ROBO1: variants seen among roughly 807,000 people sequenced by gnomAD.
ROBO1 encodes roundabout guidance receptor 1, also known as roundabout homolog 1.
In ROBO1, 149 loss-of-function variants were observed where a neutral mutation model predicts 195.9. That is an observed-to-expected ratio of 0.76 (90% confidence interval 0.67 to 0.87). The LOEUF (loss-of-function observed/expected upper bound fraction) is 0.87. Ranked by LOEUF, ROBO1 falls within the 40% of genes least tolerant of loss-of-function variation. The pLI is 0.00. For missense variants in ROBO1, 1,933 were observed against 2,068.3 expected (o/e 0.93, Z 1.27); for synonymous variants, 816 against 733.2 (o/e 1.11, Z -1.82).
intron 3 of ROBO1, among the ~76,000 whole-genome samples, chr3:79,035,430 A>G (rs2078365510): frequency 1.3e-5 from 2 of 152,188 alleles, no homozygotes; most frequent in African/African-American, 4.8e-5. Context: ...CCATGAAAGA[A>G]TAATGAGAAC....
chr3:78,771,453 G>A (rs1430860129), intron 4 of ROBO1, among the ~76,000 whole-genome samples: 7 of 152,178 alleles, frequency 4.6e-5, no homozygotes, highest in African/African-American at 9.6e-5. Context: ...TAGTTTAACA[G>A]CAATAGTGTT....
intron 28 of ROBO1, among the ~76,000 whole-genome samples, chr3:78,609,918 G>A (rs1703708937): frequency 6.6e-6 from 1 of 151,562 alleles, no homozygotes; most frequent in Non-Finnish European, 1.5e-5. Context: ...ATTTTCTTTT[G>A]GCATTATATG....
At chr3:78,762,095 G>GA (rs1174015770) in intron 4 of ROBO1, among the ~76,000 whole-genome samples, 2 of 151,814 alleles carry the variant, frequency 1.3e-5, no homozygotes, top group Admixed American at 6.6e-5. Context: ...CATTTTTCTG[G>GA]AAAAAATGAT....
At chr3:79,366,761 G>T (rs771184486) in intron 2 of ROBO1, among the ~76,000 whole-genome samples, 1 of 152,096 alleles carries the variant, frequency 6.6e-6, no homozygotes, top group Non-Finnish European at 1.5e-5. Context: ...TCCTCTCGAC[G>T]TTCACTTCCC....
At chr3:78,717,512 T>C (rs1370663602) in intron 6 of ROBO1, 99 bp from the exon 7 acceptor site, 5 of 1,149,042 alleles carry the variant, frequency 4.4e-6, no homozygotes, top group East Asian at 2.4e-5. Context: ...ATTTAAAATA[T>C]CAGCGAGGAA....
chr3:78,833,449 T>C (rs932076934), intron 4 of ROBO1, among the ~76,000 whole-genome samples: 1 of 152,132 alleles, frequency 6.6e-6, no homozygotes, highest in Non-Finnish European at 1.5e-5. Flanking sequence ...CAATCTTAAT[T>C]GTATAAAACA....
At position 78,768,325 on chromosome 3, in the gene ROBO1, AT is replaced by A. The variant is rs1009012640; in HGVS notation, c.500-21426del. On this transcript the variant is annotated intron_variant, in intron 4 of 30. Transcript: ENST00000464233. ...CTTGATATAATTTCAATTTTCTTAA[AT>A]TTTTTTTTTTACTTTGAAAAATTTT... 8.5e-4 allele frequency among the ~76,000 whole-genome samples: 126 copies of A among 147,854 alleles called. 1 individual carries two copies. The highest frequency in any genetic ancestry group is 3.0e-3 in the Admixed American group (44 of 14,770).
intron 17 of ROBO1, among the ~76,000 whole-genome samples, chr3:78,658,934 C>T (rs2107655595): frequency 6.6e-6 from 1 of 152,190 alleles, no homozygotes; most frequent in South Asian, 2.1e-4. Context: ...TTTAAATTGA[C>T]CATGAAGTTA....
intron 4 of ROBO1, among the ~76,000 whole-genome samples, chr3:78,899,351 A>T (rs1273679679): frequency 6.6e-6 from 1 of 152,242 alleles, no homozygotes; most frequent in African/African-American, 2.4e-5. Flanking sequence ...TAATCTGATT[A>T]GGCAATTAAT....
intron 1 of ROBO1, among the ~76,000 whole-genome samples, chr3:79,672,729 C>G (rs1321034391): frequency 6.6e-6 from 1 of 151,888 alleles, no homozygotes. Flanking sequence ...CCCCACAAGA[C>G]AACACTGCTT....
chr3:79,296,982 A>C (rs747415356), intron 2 of ROBO1, among the ~76,000 whole-genome samples: 3 of 152,214 alleles, frequency 2.0e-5, no homozygotes, highest in Admixed American at 6.5e-5. Context: ...GTTGTGTTAC[A>C]ATTTTTGAAA....
chr3:79,592,688 A>G (rs1944041287), intron 1 of ROBO1, among the ~76,000 whole-genome samples: 1 of 151,898 alleles, frequency 6.6e-6, no homozygotes. Context: ...CCCATTGGCA[A>G]CCCCCACCAG....
chr3:79,654,360 G>A (rs146726413), intron 1 of ROBO1, among the ~76,000 whole-genome samples: 2 of 152,022 alleles, frequency 1.3e-5, no homozygotes, highest in African/African-American at 2.4e-5. Context: ...GTGTTTCATA[G>A]CATCATGAAA....
chr3:79,149,619 T>C (rs1576739880), intron 2 of ROBO1, among the ~76,000 whole-genome samples: 1 of 151,872 alleles, frequency 6.6e-6, no homozygotes, highest in Admixed American at 6.6e-5. Flanking sequence ...TAAATCGGCC[T>C]CAGTGGTTTG....
intron 3 of ROBO1, among the ~76,000 whole-genome samples, chr3:78,969,719 G>A (rs949984267): frequency 1.3e-5 from 2 of 152,084 alleles, no homozygotes; most frequent in Non-Finnish European, 2.9e-5. Context: ...CACATTTTCT[G>A]AAGTTTGACT....
chr3:78,657,492 T>C (rs1707113162), intron 17 of ROBO1, among the ~76,000 whole-genome samples: 1 of 152,312 alleles, frequency 6.6e-6, no homozygotes, highest in Non-Finnish European at 1.5e-5. Context: ...TACTTTCTCA[T>C]ATACTTTTAA....
At chr3:78,933,944 A>G (rs2107660452) in intron 4 of ROBO1, among the ~76,000 whole-genome samples, 1 of 152,102 alleles carries the variant, frequency 6.6e-6, no homozygotes, top group Non-Finnish European at 1.5e-5. Flanking sequence ...ACTTAAGTAT[A>G]TTGTTTACTT....
chr3:79,292,649 T>C (rs2032324376), intron 2 of ROBO1, among the ~76,000 whole-genome samples: 1 of 152,186 alleles, frequency 6.6e-6, no homozygotes, highest in African/African-American at 2.4e-5. Context: ...GTTTTTTTCC[T>C]TTGGTTCTGT....
intron 1 of ROBO1, among the ~76,000 whole-genome samples, chr3:79,754,551 A>T (rs1290192974): frequency 1.3e-5 from 2 of 152,194 alleles, no homozygotes; most frequent in Admixed American, 6.5e-5. Context: ...CCTGCGAATG[A>T]CCGAGCATCT....
Sources: allele counts gnomAD v4.1 joint callset (sites outside exome capture counted in the v4.1 genomes callset), GRCh38; gene constraint gnomAD v4.1.1; transcripts MANE v1.5; gene names NCBI Gene and HGNC (gene_info 2026-07-23, HGNC 2026-07-21).